Variants in PARVB observed in about 807,000 individuals in gnomAD.
PARVB encodes beta-parvin.
A neutral mutation model predicts 47.0 loss-of-function variants in PARVB; 46 were observed. The observed-to-expected ratio is 0.98, with a 90% CI of 0.77 to 1.25. The LOEUF is 1.25. Among genes scored for constraint, PARVB ranks in the 50% most tolerant of loss-of-function variants. PARVB has a pLI of 0.00. For synonymous variants in PARVB, 196 were observed against 196.3 expected, an observed-to-expected ratio of 1.00 and a Z score of 0.01; for missense variants, 473 against 471.6, an observed-to-expected ratio of 1.00 and a Z score of -0.03.
Position 44,153,997 on chromosome 22 carries a change from C to T in PARVB, c.843+2446C>T, listed in dbSNP as rs143923089. Among the ~76,000 whole-genome samples, 97 of 152,302 alleles carry T rather than the reference C, an allele frequency of 6.4e-4. 2 individuals carry two copies. The East Asian group carries it at 0.017, about 27-fold the overall frequency. ...AGTCATTAGAGCGAAGCCTGCACCG[C>T]ACACTTTGAAGGCTCAGGAAGATTT... On this transcript the variant is annotated intron_variant, in intron 10 of 12. Transcript: ENST00000338758.
chr22:44,095,033 C>G (rs1348396808), intron 2 of PARVB, among the ~76,000 whole-genome samples: 1 of 146,344 alleles, frequency 6.8e-6, no homozygotes, highest in Non-Finnish European at 1.5e-5. Context: ...AGTGTAGGAG[C>G]CCCGTGAGAG....
At chr22:44,001,288 A>C (rs1004020133) in intron 2 of PARVB, among the ~76,000 whole-genome samples, 4 of 152,228 alleles carry the variant, frequency 2.6e-5, no homozygotes, top group African/African-American at 9.6e-5. Context: ...GATCACATTC[A>C]TTAATATCAG....
intron 6 of PARVB, among the ~76,000 whole-genome samples, 175 bp downstream of exon 6, chr22:44,133,184 G>A (rs1569143252): frequency 6.6e-6 from 1 of 151,968 alleles, no homozygotes; most frequent in Non-Finnish European, 1.5e-5. Flanking sequence ...ATTGGAACGG[G>A]AACAATGGCA....
At chr22:44,118,261 G>A (rs755629294) in intron 3 of PARVB, among the ~76,000 whole-genome samples, 5 of 152,232 alleles carry the variant, frequency 3.3e-5, no homozygotes, top group Non-Finnish European at 7.3e-5. Context: ...CTATAACATG[G>A]ATGAACCTTG....
In PARVB at chr22:44,119,154, A is replaced by G; in HGVS notation, c.376+14A>G. ...AGAAGCTCTTGGGTGAGTTCACAGC[A>G]GGGACAGCTCTGTCCCACCCCCATC... On this transcript the variant is annotated intron_variant, in intron 4 of 12. Coordinates refer to ENST00000338758, the MANE Select transcript of PARVB (RefSeq NM_013327.5). 1 of 1,578,388 alleles carries G rather than the reference A, an allele frequency of 6.3e-7. No individual in the cohort carries two copies. The highest frequency in any genetic ancestry group is 1.1e-5 in the South Asian group (1 of 90,364).
At chr22:44,030,334 T>C (rs1213200041) in intron 1 of PARVB, among the ~76,000 whole-genome samples, 3 of 152,218 alleles carry the variant, frequency 2.0e-5, no homozygotes, top group Non-Finnish European at 4.4e-5. Flanking sequence ...GAAGTGGTCC[T>C]GGCTGAATGT....
intron 7 of PARVB, among the ~76,000 whole-genome samples, chr22:44,137,768 T>C (rs2053468635): frequency 6.6e-6 from 1 of 152,124 alleles, no homozygotes. Flanking sequence ...CAGGGTGCTC[T>C]CAGGGTCCTG....
At chr22:44,045,930 C>T (rs976380617) in intron 1 of PARVB, among the ~76,000 whole-genome samples, 12 of 152,082 alleles carry the variant, frequency 7.9e-5, no homozygotes, top group African/African-American at 2.7e-4. Context: ...AGTTTTAGGG[C>T]GTGATTTTCT....
chr22:44,095,470 C>T (rs2052280680), intron 2 of PARVB, among the ~76,000 whole-genome samples: 1 of 151,558 alleles, frequency 6.6e-6, no homozygotes, highest in Non-Finnish European at 1.5e-5. Context: ...CACCACTGCA[C>T]TCCAACCTGG....
At position 44,122,488 on chromosome 22, in the gene PARVB, A is replaced by AAGAGAGAGAGAG. The variant is rs766162295; in HGVS notation, c.376+3368_376+3379dup. Among the ~76,000 whole-genome samples the AAGAGAGAGAGAG allele has an allele frequency of 9.1e-3, 694 of 76,588 alleles. 60 individuals carry two copies. The highest frequency in any genetic ancestry group is 0.075 in the East Asian group (195 of 2,598). 50.2% of individuals were successfully genotyped at this position (76,588 alleles called of 152,430 possible). On this transcript the variant is annotated intron_variant, in intron 4 of 12. Coordinates refer to ENST00000338758, the MANE Select transcript of PARVB (RefSeq NM_013327.5). ...GCAACAGAGTGAGACCCTGTCGATC[A>AAGAGAGAGAGAG]AGAGAGAGAGAGAGAGAGAGAGAGA...
chr22:44,096,378 A>G (rs62227664), intron 2 of PARVB, among the ~76,000 whole-genome samples: 15,748 of 152,242 alleles, frequency 0.1, 851 homozygotes, highest in Middle Eastern at 0.18. Flanking sequence ...AGCCTGGGTA[A>G]CAGAGTGAGA....
chr22:44,057,391 A>G (rs893927742), intron 1 of PARVB, among the ~76,000 whole-genome samples: 4 of 152,170 alleles, frequency 2.6e-5, no homozygotes, highest in African/African-American at 9.6e-5. Flanking sequence ...TCTAAAAAGA[A>G]TCTCCGTGCT....
At chr22:44,056,607 G>A (rs1429468210) in intron 1 of PARVB, among the ~76,000 whole-genome samples, 1 of 152,056 alleles carries the variant, frequency 6.6e-6, no homozygotes, top group Admixed American at 6.6e-5. Context: ...GTGGGCTTAA[G>A]CAATCCTCCC....
chr22:44,073,811 C>T (rs2051706388), intron 1 of PARVB, among the ~76,000 whole-genome samples: 1 of 152,252 alleles, frequency 6.6e-6, no homozygotes, highest in Non-Finnish European at 1.5e-5. Flanking sequence ...CCTGCTTTTC[C>T]CACACTGGGT....
rs1233275180 is a variant in PARVB at position 43,999,787 on chromosome 22, A to G, written c.211+114A>G. On this transcript the variant is annotated intron_variant, in intron 2 of 13. Coordinates refer to the PARVB transcript ENST00000406477. ...GGAGGGAGGATTGTTGCTTGAGCCCAGGAATTTGAGACTACTCTGCACAAC... is the reference window on the plus strand; with the variant it reads ...GGAGGGAGGATTGTTGCTTGAGCCCGGGAATTTGAGACTACTCTGCACAAC... The G allele has an allele frequency of 1.1e-5, 6 of 529,474 alleles. No individual in the cohort carries two copies. The East Asian group carries it at 1.9e-4, about 17-fold the overall frequency. 32.8% of individuals were successfully genotyped at this position (529,474 alleles called of 1,614,324 possible).
intron 12 of PARVB, 127 bp from the exon 13 acceptor site, chr22:44,168,475 C>T: frequency 1.4e-6 from 1 of 695,784 alleles, no homozygotes; most frequent in East Asian, 2.6e-5. Context: ...GGTGGCCAGT[C>T]TTTAAGGGGA....
At position 44,071,349 on chromosome 22, in the gene PARVB, C is replaced by T. The variant is rs147876638; in HGVS notation, c.113-22579C>T. 8.3e-3 allele frequency among the ~76,000 whole-genome samples: 1,267 copies of T among 152,294 alleles called. 9 individuals carry two copies. The highest frequency in any genetic ancestry group is 0.014 in the Non-Finnish European group (982 of 68,024). On this transcript the variant is annotated intron_variant, in intron 1 of 12. Coordinates refer to ENST00000338758, the MANE Select transcript of PARVB (RefSeq NM_013327.5). ...ATAGGTGTCCTGCTCATATATCCTC[C>T]ACTTCTTCAGTTTTGCTCAGGATCC... is the stretch of plus-strand genomic sequence containing the variant.
At chr22:44,037,058 A>T (rs1211835066) in intron 1 of PARVB, among the ~76,000 whole-genome samples, 1 of 151,912 alleles carries the variant, frequency 6.6e-6, no homozygotes, top group Non-Finnish European at 1.5e-5. Context: ...CAAAAAAAAA[A>T]TGCTTATAAT....
rs549347823 is a variant in PARVB at position 44,049,401 on chromosome 22, C to T, written c.112+24950C>T. 9.2e-5 allele frequency among the ~76,000 whole-genome samples: 14 copies of T among 152,292 alleles called. No homozygotes were observed. Among genetic ancestry groups the T allele is most frequent in the African/African-American group, 2.9e-4 (12 of 41,562 alleles). Reference sequence around the variant, plus strand: ...GGAGGTCCGTTTCTCAAGTTTAGCTCCTGTCTGATTAAATTTGAGGTTCGT... The same window carrying T: ...GGAGGTCCGTTTCTCAAGTTTAGCTTCTGTCTGATTAAATTTGAGGTTCGT... On this transcript the variant is annotated intron_variant, in intron 1 of 12. Coordinates refer to ENST00000338758, the MANE Select transcript of PARVB (RefSeq NM_013327.5). The surrounding 1 kb of genome is among the most constrained non-coding windows in gnomAD (Gnocchi z 4.0).
Sources: allele counts gnomAD v4.1 joint callset (sites outside exome capture counted in the v4.1 genomes callset), GRCh38; gene constraint gnomAD v4.1.1; non-coding constraint Gnocchi (gnomAD v3.1); transcripts MANE v1.5; gene names NCBI Gene and HGNC (gene_info 2026-07-23, HGNC 2026-07-21).